Variants in CREB5 observed in about 807,000 individuals in gnomAD.
The protein encoded by CREB5 is cAMP responsive element binding protein 5, also known as cyclic AMP-responsive element-binding protein 5.
CREB5 carries 19 observed loss-of-function variants against 57.1 expected under a neutral mutation model. That is an observed-to-expected ratio of 0.33 (90% CI 0.23 to 0.49). The LOEUF (loss-of-function observed/expected upper bound fraction) is 0.49, where lower values mean the gene tolerates loss of function less well. Among genes scored for constraint, CREB5 ranks in the 20% least tolerant of loss-of-function variants. The pLI, the probability that CREB5 is intolerant of heterozygous loss-of-function variation, is 0.99. For missense variants in CREB5, 579 were observed against 671.6 expected (o/e 0.86, Z 1.52); for synonymous variants, 238 against 238.3 (o/e 1.00, Z 0.01).
At chr7:28,734,206 C>CAAAAAAAAAAAAAAAAAAAAAAAAAA (rs61403862) in intron 7 of CREB5, among the ~76,000 whole-genome samples, 1 of 96,444 alleles carries the variant, frequency 1.0e-5, no homozygotes, top group East Asian at 4.1e-4. Flanking sequence ...TTCAGTAGTT[C>CAAAAAAAAAAAAAAAAAAAAAAAAAA]AAAAAAAAAA....
intron 5 of CREB5, among the ~76,000 whole-genome samples, chr7:28,616,951 C>A (rs1439627104): frequency 2.0e-5 from 3 of 152,154 alleles, no homozygotes; most frequent in African/African-American, 7.2e-5. Context: ...AAGCATAAAG[C>A]TTAGGCGTAG....
At chr7:28,472,655 T>A (rs957214112) in intron 1 of CREB5, among the ~76,000 whole-genome samples, 2 of 152,166 alleles carry the variant, frequency 1.3e-5, no homozygotes, top group South Asian at 4.1e-4. Context: ...TCTGTATCAG[T>A]CTCTATCTTG....
intron 1 of CREB5, among the ~76,000 whole-genome samples, chr7:28,420,891 A>G (rs1383022355): frequency 6.6e-6 from 1 of 151,882 alleles, no homozygotes; most frequent in South Asian, 2.1e-4. Flanking sequence ...ATGGGGAAAA[A>G]GTTTGCTTGT....
intron 1 of CREB5, among the ~76,000 whole-genome samples, chr7:28,334,009 A>C (rs1785765884): frequency 6.6e-6 from 1 of 152,134 alleles, no homozygotes; most frequent in Admixed American, 6.5e-5. Context: ...TTATATTCCC[A>C]CCAACGGTGT....
chr7:28,546,251 C>T (rs1794419542), intron 4 of CREB5, among the ~76,000 whole-genome samples: 1 of 152,168 alleles, frequency 6.6e-6, no homozygotes. Flanking sequence ...AAATAATATT[C>T]CATTGTATGG....
At chr7:28,560,879 C>CGTGCGTGTGCGT (rs1554344366) in intron 4 of CREB5, among the ~76,000 whole-genome samples, 1 of 22,060 alleles carries the variant, frequency 4.5e-5, no homozygotes, top group African/African-American at 1.3e-4. Flanking sequence ...CGTGCGCGTG[C>CGTGCGTGTGCGT]GTGCGTGCGT....
intron 5 of CREB5, among the ~76,000 whole-genome samples, chr7:28,667,061 G>A (rs1174512682): frequency 6.6e-6 from 1 of 151,960 alleles, no homozygotes; most frequent in Non-Finnish European, 1.5e-5. Context: ...GCTTTTTTGT[G>A]AAGAGTGAAA....
chr7:28,727,694 G>A (rs1803402805), intron 7 of CREB5, among the ~76,000 whole-genome samples: 1 of 152,164 alleles, frequency 6.6e-6, no homozygotes. Context: ...GGTTAGGGGT[G>A]GAGATGTGGC....
intron 7 of CREB5, among the ~76,000 whole-genome samples, chr7:28,738,944 G>A (rs1804187117): frequency 6.6e-6 from 1 of 152,100 alleles, no homozygotes; most frequent in Admixed American, 6.6e-5. Context: ...ATTACACCTG[G>A]TTCTCAGAGA....
At chr7:28,399,244 C>T (rs1182503656) in intron 1 of CREB5, among the ~76,000 whole-genome samples, 1 of 149,890 alleles carries the variant, frequency 6.7e-6, no homozygotes, top group East Asian at 2.0e-4. Flanking sequence ...TGGCAAAAGA[C>T]AGCATAGACA....
intron 1 of CREB5, among the ~76,000 whole-genome samples, chr7:28,396,476 T>G (rs370447522): frequency 6.6e-6 from 1 of 152,282 alleles, no homozygotes; most frequent in Non-Finnish European, 1.5e-5. Context: ...CTAATCTATA[T>G]CAGTGTCATT....
intron 7 of CREB5, among the ~76,000 whole-genome samples, chr7:28,734,700 G>A (rs1195244049): frequency 6.6e-6 from 1 of 151,994 alleles, no homozygotes; most frequent in Non-Finnish European, 1.5e-5. Context: ...ACATTATAAC[G>A]CTTCCAAATT....
intron 5 of CREB5, chr7:28,686,132 C>T: frequency 6.2e-7 from 1 of 1,613,624 alleles, no homozygotes; most frequent in Non-Finnish European, 8.5e-7. Context: ...ATTCTACACA[C>T]ACTCATTCCA....
chr7:28,747,046 C>G (rs1479137942), intron 7 of CREB5, among the ~76,000 whole-genome samples: 1 of 152,028 alleles, frequency 6.6e-6, no homozygotes, highest in South Asian at 2.1e-4. Context: ...TTTTCTAAAT[C>G]CTTATCTTCT....
intron 5 of CREB5, among the ~76,000 whole-genome samples, chr7:28,620,352 G>A (rs1010110529): frequency 1.3e-5 from 2 of 152,058 alleles, no homozygotes; most frequent in Non-Finnish European, 2.9e-5. Flanking sequence ...TGGAAGAGGG[G>A]GGTGCCACTC....
intron 4 of CREB5, among the ~76,000 whole-genome samples, chr7:28,533,711 C>G (rs964318021): frequency 1.3e-5 from 2 of 152,164 alleles, no homozygotes; most frequent in Non-Finnish European, 1.5e-5. Context: ...GAGGCTGCCT[C>G]CTCTTCTGTT....
intron 4 of CREB5, among the ~76,000 whole-genome samples, chr7:28,540,487 C>CA (rs1215882845): frequency 2.6e-5 from 4 of 152,128 alleles, no homozygotes; most frequent in Non-Finnish European, 5.9e-5. Context: ...TGAGGCTGCA[C>CA]AAGGGATACG....
At chr7:28,675,248 C>G (rs1211352799) in intron 5 of CREB5, among the ~76,000 whole-genome samples, 1 of 152,198 alleles carries the variant, frequency 6.6e-6, no homozygotes, top group Non-Finnish European at 1.5e-5. Flanking sequence ...TGTTGATTAT[C>G]TCTTTCGACC....
chr7:28,756,260 G>A (rs1283401378), intron 7 of CREB5, among the ~76,000 whole-genome samples: 3 of 152,010 alleles, frequency 2.0e-5, no homozygotes, highest in Non-Finnish European at 2.9e-5. Flanking sequence ...CTCAGCAAAA[G>A]TACATTGAGT....
Sources: allele counts gnomAD v4.1 joint callset (sites outside exome capture counted in the v4.1 genomes callset), GRCh38; gene constraint gnomAD v4.1.1; transcripts MANE v1.5; gene names NCBI Gene and HGNC (gene_info 2026-07-23, HGNC 2026-07-21).